The following TRAPPC6A variants were observed in gnomAD, a reference collection of about 807,000 sequenced individuals.
TRAPPC6A encodes the protein TRAPP complex subunit 6A.
TRAPPC6A carries 25 observed loss-of-function variants against 20.8 expected under a neutral mutation model. That is an observed-to-expected ratio of 1.20 (90% confidence interval 0.88 to 1.68). TRAPPC6A has a LOEUF of 1.68. TRAPPC6A is among the 40% of genes most tolerant of loss of function. The probability of loss-of-function intolerance (pLI) is 0.00; values close to 1 mark genes in which losing one functional copy is unlikely to be tolerated. For synonymous variants in TRAPPC6A, 96 were observed against 93.3 expected, an observed-to-expected ratio of 1.03 and a Z score of -0.16; for missense variants, 215 against 211.6, an observed-to-expected ratio of 1.02 and a Z score of -0.10.
chr19:45,163,113 C>A lies in TRAPPC6A; in HGVS notation c.*79G>T. On this transcript the variant is annotated 3_prime_UTR_variant, in exon 6 of 6. Transcript: ENST00000585934. This position sits in a 1 kb window ranked among gnomAD's most constrained non-coding sequence, Gnocchi z 5.3. ...GGGCCTGGGATTCCCAAGACCACCC[C>A]GAAATGCAGCGGCCCCACCGTCTCC... The A allele has an allele frequency of 1.3e-6, 2 of 1,568,812 alleles. No homozygotes were observed.
At chr19:45,167,309 C>T (rs573109783) in intron 1 of TRAPPC6A, among the ~76,000 whole-genome samples, 27 of 152,304 alleles carry the variant, frequency 1.8e-4, no homozygotes, top group African/African-American at 6.5e-4. Flanking sequence ...ACCAATTTCA[C>T]GCAGGTTAAT....
intron 1 of TRAPPC6A, among the ~76,000 whole-genome samples, chr19:45,166,456 G>A (rs939796344): frequency 5.9e-5 from 9 of 151,482 alleles, no homozygotes; most frequent in Non-Finnish European, 5.9e-5. Context: ...TGATCCGCCC[G>A]CCTTGGCCTC....
chr19:45,163,965 G>T lies in TRAPPC6A; in HGVS notation c.399C>A (p.Thr133=), dbSNP rs985436040. The T allele has an allele frequency of 6.3e-7, 1 of 1,582,414 alleles. No homozygotes were observed. The highest frequency in any genetic ancestry group is 8.6e-7 in the Non-Finnish European group (1 of 1,164,690). The part of the protein sequence containing the change: ...TCGLLRGALY[T]LGIESVVTAS... ...CGGTGACCACGCTCTCAATGCCCAG[G>T]GTATAGAGGGCGCCGCGCAGGAGGC... is the stretch of plus-strand genomic sequence containing the variant. The change falls in exon 5 of 6, where the codon ACC becomes ACA. Residue 133 remains threonine (T), a synonymous_variant. Coordinates refer to ENST00000585934, the MANE Select transcript of TRAPPC6A (RefSeq NM_001270891.2). This position sits in a 1 kb window ranked among gnomAD's most constrained non-coding sequence, Gnocchi z 5.3.
chr19:45,166,108 C>T (rs1969145882), intron 1 of TRAPPC6A, among the ~76,000 whole-genome samples: 1 of 151,746 alleles, frequency 6.6e-6, no homozygotes. Context: ...GACAGGGTTT[C>T]ACTGTGTTGC....
chr19:45,177,876 GCATT>G (rs909204097), intron 1 of TRAPPC6A, among the ~76,000 whole-genome samples: 86 of 152,292 alleles, frequency 5.6e-4, no homozygotes, highest in African/African-American at 1.9e-3. Flanking sequence ...CCCAATAACA[GCATT>G]ATTATGATTA....
At chr19:45,166,691 C>A (rs966016827) in intron 1 of TRAPPC6A, among the ~76,000 whole-genome samples, 2 of 152,056 alleles carry the variant, frequency 1.3e-5, no homozygotes, top group Non-Finnish European at 1.5e-5. Flanking sequence ...CAGCCCTGAG[C>A]TGAAGGAAGC....
At chr19:45,168,238 C>CAA (rs1969200556) in intron 1 of TRAPPC6A, among the ~76,000 whole-genome samples, 1 of 150,864 alleles carries the variant, frequency 6.6e-6, no homozygotes, top group Admixed American at 6.6e-5. Flanking sequence ...CTCCTGACCT[C>CAA]GTGATTCACC....
intron 1 of TRAPPC6A, among the ~76,000 whole-genome samples, chr19:45,165,982 A>G (rs1969143216): frequency 6.6e-6 from 1 of 151,160 alleles, no homozygotes. Flanking sequence ...CCAATCTCTG[A>G]CTCACTGCAA....
At chr19:45,164,777 G>T in intron 3 of TRAPPC6A, 76 bp downstream of exon 3, 8 of 1,405,146 alleles carry the variant, frequency 5.7e-6, no homozygotes, top group Non-Finnish European at 8.1e-6. Flanking sequence ...CTGCTCTGGC[G>T]CCGGGGGATT....
chr19:45,165,332 G>A, intron 1 of TRAPPC6A, 138 bp from the exon 2 acceptor site: 2 of 813,932 alleles, frequency 2.5e-6, no homozygotes, highest in Non-Finnish European at 4.0e-6. Context: ...GAGGGGCTCT[G>A]GCACAGCCCG....
At position 45,163,736 on chromosome 19, in the gene TRAPPC6A, T is replaced by C. The variant is rs1283760850; in HGVS notation, c.448+180A>G. 3.3e-5 allele frequency among the ~76,000 whole-genome samples: 5 copies of C among 152,124 alleles called. No individual in the cohort carries two copies. ...TTCAAAACCGCCAGACAGTTCTCTC[T>C]GCAGGGCTGGCGACGTCACGGAGCC... On this transcript the variant is annotated intron_variant, in intron 5 of 5. Coordinates refer to ENST00000585934, the MANE Select transcript of TRAPPC6A (RefSeq NM_001270891.2). This position sits in a 1 kb window ranked among gnomAD's most constrained non-coding sequence, Gnocchi z 5.3.
intron 1 of TRAPPC6A, among the ~76,000 whole-genome samples, chr19:45,174,264 A>G (rs767441149): frequency 6.6e-6 from 1 of 152,122 alleles, no homozygotes; most frequent in Non-Finnish European, 1.5e-5. Context: ...GTGAGAAGCC[A>G]TGAGTGCACA....
chr19:45,164,352 G>A (rs1256364799), intron 3 of TRAPPC6A, 105 bp from the exon 4 acceptor site: 18 of 755,496 alleles, frequency 2.4e-5, no homozygotes, highest in Non-Finnish European at 3.4e-5. Context: ...GGTTGGGAAG[G>A]CCCCCTTCCT....
intron 4 of TRAPPC6A, 34 bp from the exon 5 acceptor site, chr19:45,164,043 AG>A: frequency 6.4e-7 from 1 of 1,558,112 alleles, no homozygotes; most frequent in Non-Finnish European, 8.7e-7. Context: ...ATGGGAAGAG[AG>A]GGGAGGCCAG....
chr19:45,165,500 A>G (rs542091157), intron 1 of TRAPPC6A, among the ~76,000 whole-genome samples: 1 of 152,106 alleles, frequency 6.6e-6, no homozygotes, highest in Non-Finnish European at 1.5e-5. Flanking sequence ...TTCCTCCTCC[A>G]TGACTTTTCC....
At chr19:45,177,748 C>G (rs539822137) in intron 1 of TRAPPC6A, among the ~76,000 whole-genome samples, 1 of 152,300 alleles carries the variant, frequency 6.6e-6, no homozygotes, top group African/African-American at 2.4e-5. Flanking sequence ...AAATGTCCCA[C>G]GCTGAGGCTT....
intron 1 of TRAPPC6A, among the ~76,000 whole-genome samples, chr19:45,166,604 G>A (rs1215667156): frequency 6.6e-6 from 1 of 151,614 alleles, no homozygotes; most frequent in Non-Finnish European, 1.5e-5. Flanking sequence ...ATCCCAGGAC[G>A]GCTGGGGCGT....
intron 1 of TRAPPC6A, among the ~76,000 whole-genome samples, chr19:45,176,386 C>T (rs2088427580): frequency 6.6e-6 from 1 of 151,900 alleles, no homozygotes; most frequent in Admixed American, 6.6e-5. Context: ...ATTGCGTGAA[C>T]CCAGGAGGCG....
At chr19:45,169,120 G>A (rs1274577256) in intron 1 of TRAPPC6A, among the ~76,000 whole-genome samples, 1 of 152,180 alleles carries the variant, frequency 6.6e-6, no homozygotes, top group Non-Finnish European at 1.5e-5. Flanking sequence ...ACGGGCAGGT[G>A]TGTGTGAGAG....
Sources: allele counts gnomAD v4.1 joint callset (sites outside exome capture counted in the v4.1 genomes callset), GRCh38; gene constraint gnomAD v4.1.1; non-coding constraint Gnocchi (gnomAD v3.1); transcripts MANE v1.5; gene names NCBI Gene and HGNC (gene_info 2026-07-23, HGNC 2026-07-21).